Variants in NRXN1 observed in about 807,000 individuals in gnomAD.
NRXN1 encodes neurexin-1.
NRXN1 carries 39 observed loss-of-function variants against 150.9 expected under a neutral mutation model. The observed-to-expected ratio is 0.26, with a 90% CI of 0.20 to 0.34. NRXN1 has a LOEUF of 0.34. NRXN1 is among the 10% of genes least tolerant of loss of function. NRXN1 has a pLI of 1.00. For missense variants in NRXN1, 1,815 were observed against 1,949.9 expected, an observed-to-expected ratio of 0.93 and a Z score of 1.30; for synonymous variants, 924 against 757.0, an observed-to-expected ratio of 1.22 and a Z score of -3.62.
intron 19 of NRXN1, among the ~76,000 whole-genome samples, chr2:50,057,007 T>C (rs1205588992): frequency 1.3e-5 from 2 of 152,146 alleles, no homozygotes; most frequent in Non-Finnish European, 1.5e-5. Context: ...CAAATCCCTC[T>C]TGCCCAATTA....
intron 22 of NRXN1, among the ~76,000 whole-genome samples, chr2:49,926,662 A>C (rs1434060065): frequency 6.6e-6 from 1 of 152,220 alleles, no homozygotes; most frequent in Non-Finnish European, 1.5e-5. Context: ...AGTAAAAAAA[A>C]ATCTTTAAGA....
At chr2:50,064,473 A>C (rs2152653021) in intron 19 of NRXN1, among the ~76,000 whole-genome samples, 1 of 151,852 alleles carries the variant, frequency 6.6e-6, no homozygotes, top group Middle Eastern at 3.4e-3. Flanking sequence ...GATCATGACA[A>C]TCTTTGATTT....
At chr2:50,010,923 A>G (rs1262126118) in intron 21 of NRXN1, among the ~76,000 whole-genome samples, 1 of 152,196 alleles carries the variant, frequency 6.6e-6, no homozygotes, top group African/African-American at 2.4e-5. Context: ...ATGACATAAA[A>G]TATCTCTGCA....
At chr2:50,284,623 G>T (rs542452197) in intron 17 of NRXN1, among the ~76,000 whole-genome samples, 24 of 152,212 alleles carry the variant, frequency 1.6e-4, no homozygotes, top group African/African-American at 5.3e-4. Flanking sequence ...TTTCTCTTCT[G>T]TTTATCCTTA....
At chr2:50,792,123 C>A (rs1378220512) in intron 5 of NRXN1, among the ~76,000 whole-genome samples, 2 of 152,034 alleles carry the variant, frequency 1.3e-5, no homozygotes, top group Non-Finnish European at 1.5e-5. Context: ...GTCTCTATAA[C>A]TAATTAGCTT....
At chr2:50,834,785 T>G (rs1320492765) in intron 5 of NRXN1, among the ~76,000 whole-genome samples, 1 of 152,110 alleles carries the variant, frequency 6.6e-6, no homozygotes, top group African/African-American at 2.4e-5. Context: ...CAGGTCTGAG[T>G]TGGGGCTCAG....
chr2:50,049,900 C>T (rs1573610162), intron 21 of NRXN1, among the ~76,000 whole-genome samples: 1 of 152,068 alleles, frequency 6.6e-6, no homozygotes, highest in East Asian at 1.9e-4. Context: ...TGAGATTAGC[C>T]TTCTGGAAAG....
chr2:50,473,433 T>C (rs929816186), intron 15 of NRXN1, among the ~76,000 whole-genome samples: 5 of 151,958 alleles, frequency 3.3e-5, no homozygotes, highest in African/African-American at 7.2e-5. Flanking sequence ...CATATCTGGA[T>C]AATATTCAAT....
intron 5 of NRXN1, among the ~76,000 whole-genome samples, chr2:50,887,228 A>C (rs969823152): frequency 1.3e-5 from 2 of 151,336 alleles, no homozygotes; most frequent in African/African-American, 4.8e-5. Context: ...GAAAAAGAAA[A>C]TTTTGCATCT....
chr2:50,594,718 T>C (rs1431306352), intron 8 of NRXN1, among the ~76,000 whole-genome samples: 1 of 152,192 alleles, frequency 6.6e-6, no homozygotes, highest in Non-Finnish European at 1.5e-5. Context: ...TTATTGATTC[T>C]ATTCACGCTA....
At chr2:50,514,446 C>A (rs2092566381) in intron 12 of NRXN1, among the ~76,000 whole-genome samples, 1 of 152,164 alleles carries the variant, frequency 6.6e-6, no homozygotes, top group African/African-American at 2.4e-5. Context: ...CACCCATATG[C>A]TATTAATTTT....
chr2:50,923,438 TA>T (rs780028242), intron 3 of NRXN1: 3 of 299,962 alleles, frequency 1.0e-5, no homozygotes, highest in Non-Finnish European at 1.4e-5. Context: ...ATTACAGATG[TA>T]ATTTCATCAA....
At chr2:50,240,095 T>C (rs2065876446) in intron 17 of NRXN1, among the ~76,000 whole-genome samples, 1 of 151,612 alleles carries the variant, frequency 6.6e-6, no homozygotes, top group African/African-American at 2.4e-5. Flanking sequence ...TGATTTCTTC[T>C]CAGATTTTAA....
chr2:50,716,790 T>A (rs1012586481), intron 5 of NRXN1, among the ~76,000 whole-genome samples: 2 of 152,178 alleles, frequency 1.3e-5, no homozygotes, highest in African/African-American at 4.8e-5. Context: ...TTTTAATCCT[T>A]TCAATAGTAA....
intron 5 of NRXN1, among the ~76,000 whole-genome samples, chr2:50,685,226 T>A (rs190577666): frequency 6.6e-6 from 1 of 152,312 alleles, no homozygotes; most frequent in Admixed American, 6.5e-5. Context: ...CCGCCTGTTT[T>A]TCTTTTGCTC....
Position 49,918,721 on chromosome 2 carries a change from TAG to T in NRXN1, c.*3221_*3222del, listed in dbSNP as rs2103947934. On this transcript the variant is annotated 3_prime_UTR_variant, in exon 23 of 23. Coordinates refer to ENST00000401669, the MANE Select transcript of NRXN1 (RefSeq NM_001330078.2). ...TATGAATATAGAGGTCTTTAATGAC[TAG>T]TTAAATCCAGAAAAAAGAGAGTCAA... The T allele has an allele frequency of 6.6e-6, 1 of 152,150 alleles. No individual in the cohort carries two copies. Among genetic ancestry groups the T allele is most frequent in the East Asian group, 1.9e-4 (1 of 5,192 alleles). The allele number at this position is 152,150 out of a possible 1,614,324, so 9.4% of individuals were successfully genotyped here. A position where few individuals can be genotyped will look rare whatever the true frequency, so the allele number is the denominator to read the frequency against.
intron 18 of NRXN1, among the ~76,000 whole-genome samples, chr2:50,112,323 T>C (rs1558903362): frequency 2.0e-5 from 3 of 152,210 alleles, no homozygotes; most frequent in African/African-American, 4.8e-5. Context: ...CTATGCTTAA[T>C]GGAGAAGATG....
intron 2 of NRXN1, among the ~76,000 whole-genome samples, chr2:51,019,458 T>C (rs1199505647): frequency 6.6e-6 from 1 of 152,106 alleles, no homozygotes; most frequent in Non-Finnish European, 1.5e-5. Context: ...CTTCAAGAGG[T>C]GCTTATGACC....
At chr2:50,761,673 G>A (rs529238648) in intron 5 of NRXN1, among the ~76,000 whole-genome samples, 1 of 151,950 alleles carries the variant, frequency 6.6e-6, no homozygotes, top group African/African-American at 2.4e-5. Context: ...GTTCCTGGGT[G>A]TGTCTGTGAG....
Sources: gnomAD v4.1 joint callset for allele counts (sites outside exome capture counted in the v4.1 genomes callset) on GRCh38, gnomAD v4.1.1 for gene constraint, MANE v1.5 for transcripts, NCBI Gene and HGNC (gene_info 2026-07-23, HGNC 2026-07-21) for gene names.